The following THOP1 variants were observed in gnomAD, a reference collection of about 807,000 sequenced individuals.
The protein encoded by THOP1 is thimet oligopeptidase 1.
Under a neutral mutation model 71.8 loss-of-function variants are expected in THOP1, and 49 were observed. That is an observed-to-expected ratio of 0.68 (90% CI 0.54 to 0.87). THOP1 has a LOEUF of 0.87. Among genes scored for constraint, THOP1 ranks in the 40% least tolerant of loss-of-function variants. The pLI, the probability that THOP1 is intolerant of heterozygous loss-of-function variation, is 0.00. For synonymous variants in THOP1, 426 were observed against 421.5 expected (o/e 1.01, Z -0.13); for missense variants, 843 against 975.6 (o/e 0.86, Z 1.81).
At position 2,810,769 on chromosome 19, in the gene THOP1, G is replaced by T; in HGVS notation, c.1771+1G>T. On this transcript the variant is annotated splice_donor_variant, in intron 11 of 12. Coordinates refer to ENST00000307741, the MANE Select transcript of THOP1 (RefSeq NM_003249.5). LOFTEE classifies it high-confidence loss of function. ...ATCCTCGGGGTCCCGGCCACGCCAG[G>T]TAGCCACCCTTGAGCCGGGCACACC... The T allele has an allele frequency of 1.2e-6, 2 of 1,602,584 alleles. No homozygotes were observed. The highest frequency in any genetic ancestry group is 8.5e-7 in the Non-Finnish European group (1 of 1,177,332).
At position 2,810,429 on chromosome 19, in the gene THOP1, A is replaced by G. The variant is rs376494124; in HGVS notation, c.1581A>G (p.Thr527=). Residue 527 remains threonine (T), a synonymous_variant, in exon 10 of 13, where the codon ACA becomes ACG. Coordinates refer to ENST00000307741, the MANE Select transcript of THOP1 (RefSeq NM_003249.5). ...PLLRMSRHYR[T]GSAVPRELLE... Reference sequence around the variant, plus strand: ...TGCGGATGTCGCGGCACTACCGCACAGGCAGCGCCGTGCCCCGGGAGCTCC... The same window carrying G: ...TGCGGATGTCGCGGCACTACCGCACGGGCAGCGCCGTGCCCCGGGAGCTCC... 5 of 1,601,922 alleles carry G rather than the reference A, an allele frequency of 3.1e-6. No homozygotes were observed. The South Asian group carries it at 3.4e-5, about 11-fold the overall frequency.
intron 9 of THOP1, 181 bp from the exon 10 acceptor site, chr19:2,810,123 C>T: frequency 1.3e-6 from 1 of 748,202 alleles, no homozygotes; most frequent in Non-Finnish European, 2.1e-6. Flanking sequence ...CACCGGCAGC[C>T]AGCAGCAGCC....
At chr19:2,791,832 G>A (rs1311756762) in intron 2 of THOP1, among the ~76,000 whole-genome samples, 4 of 152,248 alleles carry the variant, frequency 2.6e-5, no homozygotes, top group East Asian at 3.9e-4. Flanking sequence ...TGCTCCCCTC[G>A]GGGCCTTTCC....
chr19:2,808,757 A>G (rs1568325817), intron 9 of THOP1, among the ~76,000 whole-genome samples: 1 of 151,554 alleles, frequency 6.6e-6, no homozygotes, highest in Non-Finnish European at 1.5e-5. Flanking sequence ...GGCCGCCACC[A>G]CCTCCCCGCA....
At chr19:2,808,137 T>C in intron 8 of THOP1, 106 bp from the exon 9 acceptor site, 1 of 1,284,012 alleles carries the variant, frequency 7.8e-7, no homozygotes, top group Non-Finnish European at 1.1e-6. Context: ...ACCTCAGAGG[T>C]GCCCGGCGGT....
intron 5 of THOP1, among the ~76,000 whole-genome samples, chr19:2,802,333 A>C (rs1599526621): frequency 1.5e-5 from 1 of 68,350 alleles, no homozygotes; most frequent in African/African-American, 6.1e-5. Context: ...CGACACCCCC[A>C]CCTCCCGACA....
intron 2 of THOP1, among the ~76,000 whole-genome samples, chr19:2,792,138 T>C (rs1276588550): frequency 6.6e-6 from 1 of 152,236 alleles, no homozygotes; most frequent in African/African-American, 2.4e-5. Context: ...GTCTAATCGG[T>C]CGCCCGTAAA....
Position 2,794,885 on chromosome 19 carries a change from C to G in THOP1, c.351C>G (p.Asp117Glu). 4 of 1,613,654 alleles carry G rather than the reference C, an allele frequency of 2.5e-6. No homozygotes were observed. Among genetic ancestry groups the G allele is most frequent in the Non-Finnish European group, 3.4e-6 (4 of 1,179,662 alleles). Reference protein sequence around the residue: ...EFDVEMSMREDVYQRIVWLQE... With the variant: ...EFDVEMSMREEVYQRIVWLQE... ...ACGTGGAGATGAGCATGAGGGAGGA[C>G]GTGTACCAGAGGATCGTGTGGCTCC... Residue 117 changes from aspartate (D) to glutamate (E), a missense_variant, in exon 3 of 13, where the codon GAC (aspartate) becomes GAG (glutamate). Transcript: ENST00000307741.
chr19:2,796,398 C>T (rs1369120839), intron 4 of THOP1, among the ~76,000 whole-genome samples: 2 of 147,334 alleles, frequency 1.4e-5, no homozygotes, highest in South Asian at 2.2e-4. Flanking sequence ...GAGTGCTGGA[C>T]TCAGGGAGTG....
intron 9 of THOP1, among the ~76,000 whole-genome samples, chr19:2,808,693 C>T (rs1274931827): frequency 1.3e-5 from 2 of 152,250 alleles, no homozygotes; most frequent in African/African-American, 4.8e-5. Flanking sequence ...AGGCTGGAGT[C>T]GGAGGTCACA....
In THOP1 at chr19:2,813,255, G is replaced by T; in HGVS notation, c.2049G>T (p.Glu683Asp). The stretch of plus-strand genomic sequence containing the variant: ...AGGGGCTGCAGGTCGGGGGCTGCGA[G>T]CCCGAGCCGCAGGTCTGCTGAGGCC... ...LSKGLQVGGCEPEPQVC is the reference protein window; with the variant it reads ...LSKGLQVGGCDPEPQVC The change falls in exon 13 of 13, where the codon GAG becomes GAT. Residue 683 changes from glutamate (E) to aspartate (D), a missense_variant. Glu to Asp is a conservative substitution (Grantham distance 45). Coordinates refer to ENST00000307741, the MANE Select transcript of THOP1 (RefSeq NM_003249.5). The T allele has an allele frequency of 6.2e-7, 1 of 1,608,402 alleles. No individual in the cohort carries two copies.
chr19:2,785,710 G>GTCCCCTGCACCCTCGCTCC, intron 1 of THOP1, 32 bp downstream of exon 1: 2 of 1,425,344 alleles, frequency 1.4e-6, no homozygotes, highest in Non-Finnish European at 1.8e-6. Context: ...GGACCCGGGC[G>GTCCCCTGCACCCTCGCTCC]TCCCCTGCAC....
At position 2,810,302 on chromosome 19, in the gene THOP1, A is replaced by G; in HGVS notation, c.1456-2A>G. 6.2e-7 allele frequency: 1 copy of G among 1,610,384 alleles called. No individual in the cohort carries two copies. ...CTCTGAGGCTCTGCCCCATCCCTGC[A>G]GGCGGAGTTCGCCATGTTCAGCGGG... On this transcript the variant is annotated splice_acceptor_variant, in intron 9 of 12. Transcript: ENST00000307741. LOFTEE classifies it high-confidence loss of function.
Position 2,793,044 on chromosome 19 carries a change from G to A in THOP1, c.230-1720G>A, listed in dbSNP as rs111735150. On this transcript the variant is annotated intron_variant, in intron 2 of 12. Coordinates refer to ENST00000307741, the MANE Select transcript of THOP1 (RefSeq NM_003249.5). ...TACAAAATTATCCGGGCGTGGTGGCGCATGCCTGTAATTTCAACTACTCGG... is the reference window on the plus strand; with the variant it reads ...TACAAAATTATCCGGGCGTGGTGGCACATGCCTGTAATTTCAACTACTCGG... Among the ~76,000 whole-genome samples, 454 of 152,100 alleles carry A rather than the reference G, an allele frequency of 3.0e-3. 2 individuals carry two copies. The highest frequency in any genetic ancestry group is 9.4e-3 in the African/African-American group (388 of 41,466).
chr19:2,791,677 G>T (rs1915883713), intron 2 of THOP1, among the ~76,000 whole-genome samples: 1 of 152,220 alleles, frequency 6.6e-6, no homozygotes, highest in Non-Finnish European at 1.5e-5. Flanking sequence ...TGAGGCTCAG[G>T]TGATACCAGT....
chr19:2,794,630 A>T (rs1915967308), intron 2 of THOP1, 134 bp from the exon 3 acceptor site: 2 of 1,118,462 alleles, frequency 1.8e-6, no homozygotes, highest in Non-Finnish European at 1.3e-6. Flanking sequence ...AGTCCCAGCT[A>T]CTTGGGAGGC....
Position 2,804,758 on chromosome 19 carries a change from T to G in THOP1, c.590-258T>G. ...ATCCTGCTCTGAGGATGCTGGGGGG[T>G]TTCCTGGTGGGGTTAGAGGCGGGAC... On this transcript the variant is annotated intron_variant, in intron 5 of 12. Transcript: ENST00000307741. The surrounding 1 kb of genome is among the most constrained non-coding windows in gnomAD (Gnocchi z 4.7). 1 of 418,306 alleles carries G rather than the reference T, an allele frequency of 2.4e-6. No homozygotes were observed. Among genetic ancestry groups the G allele is most frequent in the Non-Finnish European group, 4.3e-6 (1 of 234,098 alleles). The allele number at this position is 418,306 out of a possible 1,614,324, so 25.9% of individuals were successfully genotyped here. A position where few individuals can be genotyped will look rare whatever the true frequency, so the allele number is the denominator to read the frequency against.
chr19:2,804,896 C>T lies in THOP1; in HGVS notation c.590-120C>T, dbSNP rs573917882. ...GGGTGGTGGCCAGGCTGCAGCTGCT[C>T]GCTGAGGGCCCCCTTGTAGCTTTCC... On this transcript the variant is annotated intron_variant, in intron 5 of 12. Coordinates refer to ENST00000307741, the MANE Select transcript of THOP1 (RefSeq NM_003249.5). The surrounding 1 kb of genome is among the most constrained non-coding windows in gnomAD (Gnocchi z 4.7). 112 of 1,013,360 alleles carry T rather than the reference C, an allele frequency of 1.1e-4. 2 individuals carry two copies. The South Asian group carries it at 1.6e-3, about 14-fold the overall frequency. 62.8% of individuals were successfully genotyped at this position (1,013,360 alleles called of 1,614,324 possible).
At chr19:2,789,171 G>T (rs922324940) in intron 1 of THOP1, among the ~76,000 whole-genome samples, 4 of 152,196 alleles carry the variant, frequency 2.6e-5, no homozygotes, top group African/African-American at 9.7e-5. Context: ...AGAACTGTTT[G>T]TTGGCCCCCT....
Sources: gnomAD v4.1 joint callset for allele counts (sites outside exome capture counted in the v4.1 genomes callset) on GRCh38, gnomAD v4.1.1 for gene constraint, Gnocchi (gnomAD v3.1) non-coding constraint, MANE v1.5 for transcripts, NCBI Gene and HGNC (gene_info 2026-07-23, HGNC 2026-07-21) for gene names.